The following ENTREP2 variants were observed in gnomAD, a reference collection of about 807,000 sequenced individuals.
ENTREP2 encodes endosomal transmembrane epsin interactor 2, also known as protein ENTREP2.
chr15:29,631,765 C>T, the ENTREP2 span, among the ~76,000 whole-genome samples: 1 of 152,218 alleles, frequency 6.6e-6, no homozygotes, highest in Non-Finnish European at 1.5e-5. Flanking sequence ...TCTCTGTGGA[C>T]ACCATGCCAG....
At chr15:29,590,374 C>G in the ENTREP2 span, among the ~76,000 whole-genome samples, 1 of 152,102 alleles carries the variant, frequency 6.6e-6, no homozygotes, top group African/African-American at 2.4e-5. Flanking sequence ...GTTCTGAAAA[C>G]AACAGCAGCA....
the ENTREP2 span, among the ~76,000 whole-genome samples, chr15:29,293,423 ATT>A: frequency 1.4e-5 from 2 of 143,596 alleles, no homozygotes; most frequent in African/African-American, 2.6e-5. Flanking sequence ...AATTTTTTGT[ATT>A]TTTTTTTTTT....
At chr15:29,391,463 C>A in the ENTREP2 span, among the ~76,000 whole-genome samples, 2 of 152,048 alleles carry the variant, frequency 1.3e-5, no homozygotes, top group Non-Finnish European at 2.9e-5. Flanking sequence ...ACAAAGATCA[C>A]CTCATGAAAG....
the ENTREP2 span, among the ~76,000 whole-genome samples, chr15:29,223,474 C>A: frequency 6.6e-6 from 1 of 152,174 alleles, no homozygotes; most frequent in African/African-American, 2.4e-5. Flanking sequence ...CCTGTTCCTT[C>A]GTAGACATGC....
the ENTREP2 span, chr15:29,269,814 G>A: frequency 1.9e-6 from 2 of 1,051,916 alleles, no homozygotes; most frequent in Non-Finnish European, 1.3e-6. Flanking sequence ...CGCAGTGTCG[G>A]CTGAGACTGC....
At chr15:29,404,709 C>T in the ENTREP2 span, among the ~76,000 whole-genome samples, 1 of 151,944 alleles carries the variant, frequency 6.6e-6, no homozygotes, top group Non-Finnish European at 1.5e-5. Context: ...CTAAGCCTCT[C>T]TCAGCCTCTC....
chr15:29,439,273 A>G, the ENTREP2 span, among the ~76,000 whole-genome samples: 1 of 143,732 alleles, frequency 7.0e-6, no homozygotes, highest in Non-Finnish European at 1.5e-5. Flanking sequence ...ATAGTGCTAG[A>G]AAATTGGAAT....
At chr15:29,630,857 A>C in the ENTREP2 span, among the ~76,000 whole-genome samples, 1 of 152,034 alleles carries the variant, frequency 6.6e-6, no homozygotes, top group Non-Finnish European at 1.5e-5. Flanking sequence ...TAATTTTTGT[A>C]TTTTTAGTAC....
At chr15:29,507,116 G>A in the ENTREP2 span, among the ~76,000 whole-genome samples, 1 of 152,070 alleles carries the variant, frequency 6.6e-6, no homozygotes, top group Non-Finnish European at 1.5e-5. Context: ...CCTAGTCTCT[G>A]ATAAAACAGA....
chr15:29,255,588 C>G, the ENTREP2 span, among the ~76,000 whole-genome samples: 1 of 152,058 alleles, frequency 6.6e-6, no homozygotes, highest in Non-Finnish European at 1.5e-5. Flanking sequence ...ATATGTTCAC[C>G]ACAGCATTAT....
chr15:29,398,617 G>C, the ENTREP2 span, among the ~76,000 whole-genome samples: 13 of 152,222 alleles, frequency 8.5e-5, no homozygotes, highest in Admixed American at 8.5e-4. Context: ...TCAGCTACTC[G>C]GGAGGCTGAG....
chr15:29,600,471 A>ATC, the ENTREP2 span, among the ~76,000 whole-genome samples: 63 of 109,876 alleles, frequency 5.7e-4, no homozygotes, highest in African/African-American at 1.9e-3. Context: ...CATCATCATC[A>ATC]ATCATCATCA....
At chr15:29,345,872 G>C in the ENTREP2 span, among the ~76,000 whole-genome samples, 1 of 152,190 alleles carries the variant, frequency 6.6e-6, no homozygotes, top group Non-Finnish European at 1.5e-5. Flanking sequence ...GCACGTCCCC[G>C]TGAGGCAAGA....
At chr15:29,588,149 T>A in the ENTREP2 span, among the ~76,000 whole-genome samples, 2 of 152,150 alleles carry the variant, frequency 1.3e-5, no homozygotes, top group African/African-American at 4.8e-5. Context: ...GCCATTTATA[T>A]CCTGCAATGG....
At chr15:29,650,550 G>A in the ENTREP2 span, among the ~76,000 whole-genome samples, 1 of 151,730 alleles carries the variant, frequency 6.6e-6, no homozygotes, top group Admixed American at 6.6e-5. Flanking sequence ...CCAAGATCAC[G>A]CCATTGCAGT....
chr15:29,606,179 C>T, the ENTREP2 span, among the ~76,000 whole-genome samples: 3 of 151,582 alleles, frequency 2.0e-5, no homozygotes, highest in East Asian at 5.8e-4. Context: ...TACAACTTAT[C>T]GTTGACAAAT....
the ENTREP2 span, among the ~76,000 whole-genome samples, chr15:29,649,747 A>G: frequency 6.8e-6 from 1 of 146,188 alleles, no homozygotes; most frequent in Admixed American, 6.8e-5. Context: ...AAAAAAAAAG[A>G]AAGAAAGAAA....
chr15:29,544,721 A>G, the ENTREP2 span, among the ~76,000 whole-genome samples: 320 of 152,234 alleles, frequency 2.1e-3, 1 homozygote, highest in African/African-American at 7.1e-3. Context: ...GTGGTGCAGC[A>G]CTGATTTAGG....
At chr15:29,657,234 C>G in the ENTREP2 span, among the ~76,000 whole-genome samples, 1 of 150,818 alleles carries the variant, frequency 6.6e-6, no homozygotes, top group Non-Finnish European at 1.5e-5. Flanking sequence ...TTTCTTTTTG[C>G]ATTTTTAGTG....
Sources: allele counts gnomAD v4.1 joint callset (sites outside exome capture counted in the v4.1 genomes callset), GRCh38; gene constraint gnomAD v4.1.1; transcripts MANE v1.5; gene names NCBI Gene and HGNC (gene_info 2026-07-23, HGNC 2026-07-21).